Variants in PTPN4 observed in about 807,000 individuals in gnomAD.
PTPN4 encodes the protein protein tyrosine phosphatase non-receptor type 4, also known as tyrosine-protein phosphatase non-receptor type 4.
PTPN4 carries 49 observed loss-of-function variants against 135.5 expected under a neutral mutation model. The ratio of observed to expected loss-of-function variants is 0.36; its 90% CI spans 0.29 to 0.46. The LOEUF (loss-of-function observed/expected upper bound fraction) is 0.46. PTPN4 is among the 20% of genes least tolerant of loss of function. The pLI, the probability that PTPN4 is intolerant of heterozygous loss-of-function variation, is 1.00. For missense variants in PTPN4, 860 were observed against 1,101.0 expected, an observed-to-expected ratio of 0.78 and a Z score of 3.10; for synonymous variants, 333 against 369.9, an observed-to-expected ratio of 0.90 and a Z score of 1.14.
intron 3 of PTPN4, among the ~76,000 whole-genome samples, chr2:119,865,573 A>T (rs928911690): frequency 6.6e-6 from 1 of 152,030 alleles, no homozygotes; most frequent in African/African-American, 2.4e-5. Context: ...GATGATATAG[A>T]TGCATAGGAT....
At chr2:119,967,741 G>T (rs1679466450) in intron 25 of PTPN4, 96 bp from the exon 26 acceptor site, 2 of 978,354 alleles carry the variant, frequency 2.0e-6, no homozygotes, top group East Asian at 2.7e-5. Flanking sequence ...AAATGATATT[G>T]TTCTTCTGTG....
chr2:119,823,153 A>G (rs1404796396), intron 2 of PTPN4, among the ~76,000 whole-genome samples: 2 of 151,880 alleles, frequency 1.3e-5, no homozygotes, highest in African/African-American at 2.4e-5. Context: ...GACCTCTAGG[A>G]GCTTTAAAAA....
intron 13 of PTPN4, among the ~76,000 whole-genome samples, chr2:119,930,140 C>G (rs1172023875): frequency 6.6e-6 from 1 of 152,024 alleles, no homozygotes; most frequent in Non-Finnish European, 1.5e-5. Flanking sequence ...GAGTTGTCTT[C>G]AAATCAAAAA....
chr2:119,812,641 T>C (rs1676908876), intron 2 of PTPN4, among the ~76,000 whole-genome samples: 1 of 152,170 alleles, frequency 6.6e-6, no homozygotes. Flanking sequence ...CTATTTTCAC[T>C]GTGGCTTTGG....
At chr2:119,827,566 C>T (rs1677163640) in intron 2 of PTPN4, among the ~76,000 whole-genome samples, 1 of 152,062 alleles carries the variant, frequency 6.6e-6, no homozygotes, top group East Asian at 1.9e-4. Context: ...AGCATATATA[C>T]AATAAAGAAC....
intron 9 of PTPN4, among the ~76,000 whole-genome samples, chr2:119,898,815 C>T (rs545145116): frequency 3.3e-4 from 50 of 152,236 alleles, no homozygotes; most frequent in African/African-American, 1.2e-3. Flanking sequence ...CCCCTTCAGT[C>T]TAGATATCTA....
At chr2:119,932,641 G>A (rs6542551) in intron 14 of PTPN4, 92 bp downstream of exon 14, 71,181 of 1,367,824 alleles carry the variant, frequency 0.052, 2,928 homozygotes, top group African/African-American at 0.21. Flanking sequence ...ACAAAGATAC[G>A]CAAAAATTGA....
At chr2:119,871,387 A>G (rs1677907421) in intron 3 of PTPN4, among the ~76,000 whole-genome samples, 1 of 152,082 alleles carries the variant, frequency 6.6e-6, no homozygotes, top group Admixed American at 6.6e-5. Flanking sequence ...TGAAACCCTC[A>G]TAAGAGAATA....
At chr2:119,836,898 G>A (rs1677302747) in intron 2 of PTPN4, among the ~76,000 whole-genome samples, 1 of 152,338 alleles carries the variant, frequency 6.6e-6, no homozygotes, top group African/African-American at 2.4e-5. Flanking sequence ...AGGGAGGCCT[G>A]TAGGGGGCTG....
chr2:119,870,385 C>T (rs954818696), intron 3 of PTPN4, among the ~76,000 whole-genome samples: 1 of 152,004 alleles, frequency 6.6e-6, no homozygotes, highest in Non-Finnish European at 1.5e-5. Flanking sequence ...ATGAGGAATG[C>T]TCAGTATTGT....
Position 119,769,325 on chromosome 2 carries a change from T to C in PTPN4, c.-18+8941T>C, listed in dbSNP as rs535090605. Among the ~76,000 whole-genome samples the C allele has an allele frequency of 9.8e-5, 15 of 152,348 alleles. No homozygotes were observed. In the East Asian group the frequency reaches 2.7e-3, roughly 27 times the overall value. ...TTGGAAAGTTATTGATAATCTCAGC[T>C]AGTTGGTTTTCCAGTGTGTTCAGGC... On this transcript the variant is annotated intron_variant, in intron 1 of 26. Transcript: ENST00000263708.
At chr2:119,953,070 T>C (rs537860806) in intron 19 of PTPN4, among the ~76,000 whole-genome samples, 2 of 152,278 alleles carry the variant, frequency 1.3e-5, no homozygotes, top group Non-Finnish European at 2.9e-5. Context: ...AGTCCTAGAG[T>C]CTTCAGCCAG....
At chr2:119,817,033 C>T (rs1003749129) in intron 2 of PTPN4, among the ~76,000 whole-genome samples, 4 of 152,106 alleles carry the variant, frequency 2.6e-5, no homozygotes, top group African/African-American at 9.7e-5. Context: ...TCAGAAGTTG[C>T]CATAGAGCTG....
At chr2:119,929,609 A>C (rs1186525985) in intron 13 of PTPN4, among the ~76,000 whole-genome samples, 1 of 152,198 alleles carries the variant, frequency 6.6e-6, no homozygotes, top group Non-Finnish European at 1.5e-5. Flanking sequence ...CCCTAGACAG[A>C]AAAGAAGCTT....
chr2:119,770,575 G>A (rs1228767768), intron 1 of PTPN4, among the ~76,000 whole-genome samples: 2 of 152,128 alleles, frequency 1.3e-5, no homozygotes, highest in Admixed American at 1.3e-4. Context: ...TTTTTATGTA[G>A]AAGGTATTTA....
intron 12 of PTPN4, among the ~76,000 whole-genome samples, chr2:119,925,724 T>C (rs916193436): frequency 9.9e-5 from 15 of 152,210 alleles, no homozygotes; most frequent in African/African-American, 3.6e-4. Context: ...CTTAAAATGT[T>C]GAAATACTCT....
chr2:119,761,441 A>G (rs963348630), intron 1 of PTPN4, among the ~76,000 whole-genome samples: 23 of 152,354 alleles, frequency 1.5e-4, no homozygotes, highest in African/African-American at 4.6e-4. Context: ...AGCTAGGTAT[A>G]TCATCTAAAT....
In PTPN4 at chr2:119,844,555, C is replaced by T. The variant is rs1366800559; in HGVS notation, c.139-17981C>T. Among the ~76,000 whole-genome samples, 698 of 147,738 alleles carry T rather than the reference C, an allele frequency of 4.7e-3. 4 individuals are homozygous for T. Among genetic ancestry groups the T allele is most frequent in the African/African-American group, 0.017 (656 of 39,734 alleles). ...CTCAGACGGGGCGGCCGGGCAGAGA[C>T]GCTCCTCACCTCCCAGACGGGGTCT... is the stretch of plus-strand genomic sequence containing the variant. On this transcript the variant is annotated intron_variant, in intron 2 of 26. Coordinates refer to ENST00000263708, the MANE Select transcript of PTPN4 (RefSeq NM_002830.4).
rs1679727586 is a variant in PTPN4, at chr2:119,983,799, C to T, written c.*6729C>T. On this transcript the variant is annotated 3_prime_UTR_variant, in exon 27 of 27. Transcript: ENST00000263708. ...TTTATGTAGCACAATAAAGGATAACCAGTTGACTGTGTTACTGGACTCTGA... is the reference window on the plus strand; with the variant it reads ...TTTATGTAGCACAATAAAGGATAACTAGTTGACTGTGTTACTGGACTCTGA... 1 of 152,108 alleles carries T rather than the reference C, an allele frequency of 6.6e-6. No individual in the cohort carries two copies. Among genetic ancestry groups the T allele is most frequent in the Non-Finnish European group, 1.5e-5 (1 of 68,028 alleles). 9.4% of individuals were successfully genotyped at this position (152,108 alleles called of 1,614,324 possible). A position where few individuals can be genotyped will look rare whatever the true frequency, so the allele number is the denominator to read the frequency against.
Sources: allele counts gnomAD v4.1 joint callset (sites outside exome capture counted in the v4.1 genomes callset), GRCh38; gene constraint gnomAD v4.1.1; transcripts MANE v1.5; gene names NCBI Gene and HGNC (gene_info 2026-07-23, HGNC 2026-07-21).